LRP1B: variants seen among roughly 807,000 people sequenced by gnomAD.
The protein encoded by LRP1B is LDL receptor related protein 1B.
LRP1B carries 217 observed loss-of-function variants against 556.6 expected under a neutral mutation model. That is an observed-to-expected ratio of 0.39 (90% CI 0.35 to 0.44). LRP1B has a LOEUF of 0.44. Ranked by LOEUF, LRP1B falls within the 20% of genes least tolerant of loss-of-function variation. The pLI, the probability that LRP1B is intolerant of heterozygous loss-of-function variation, is 1.00. For missense variants in LRP1B, 5,053 were observed against 5,620.8 expected (o/e 0.90, Z 3.23); for synonymous variants, 2,047 against 1,865.8 (o/e 1.10, Z -2.50).
intron 2 of LRP1B, among the ~76,000 whole-genome samples, chr2:141,800,370 G>T (rs1392026807): frequency 6.6e-6 from 1 of 152,140 alleles, no homozygotes; most frequent in African/African-American, 2.4e-5. Context: ...ATTTCCTTTT[G>T]CTTTATTTCT....
intron 7 of LRP1B, among the ~76,000 whole-genome samples, chr2:141,102,839 A>C (rs1700500922): frequency 6.6e-6 from 1 of 152,108 alleles, no homozygotes; most frequent in South Asian, 2.1e-4. Flanking sequence ...GATTACATTG[A>C]AAATATGATA....
intron 11 of LRP1B, among the ~76,000 whole-genome samples, chr2:141,040,096 C>A (rs945837673): frequency 1.3e-5 from 2 of 152,010 alleles, no homozygotes; most frequent in Non-Finnish European, 2.9e-5. Flanking sequence ...ATCTCCTTTA[C>A]AATTTTATTT....
chr2:141,690,406 T>A (rs937301338), intron 2 of LRP1B, among the ~76,000 whole-genome samples: 9,238 of 61,894 alleles, frequency 0.15, 735 homozygotes, highest in Middle Eastern at 0.22. Context: ...AATATATATA[T>A]ATATATATAT....
At chr2:140,719,738 C>G (rs746956194) in intron 35 of LRP1B, among the ~76,000 whole-genome samples, 1 of 152,004 alleles carries the variant, frequency 6.6e-6, no homozygotes, top group East Asian at 1.9e-4. Context: ...CATATTTTCT[C>G]GTATCCTTTC....
At position 142,096,933 on chromosome 2, in the gene LRP1B, T is replaced by G. The variant is rs1338699920; in HGVS notation, c.82+33715A>C. ...TTGACATCTTCATGACCATGAGTAC[T>G]TAATGTTTAGTTCCAAAATCTGATG... On this transcript the variant is annotated intron_variant, in intron 1 of 90. Transcript: ENST00000389484. Among the ~76,000 whole-genome samples the G allele has an allele frequency of 3.3e-5, 5 of 151,586 alleles. No individual in the cohort carries two copies. The East Asian group carries it at 9.7e-4, about 29-fold the overall frequency.
At chr2:142,015,991 CAAAA>C (rs70994471) in intron 1 of LRP1B, among the ~76,000 whole-genome samples, 167 of 38,794 alleles carry the variant, frequency 4.3e-3, no homozygotes, top group African/African-American at 0.015. Flanking sequence ...GACTCCATCT[CAAAA>C]AAAAAAAAAA....
chr2:140,820,234 C>T (rs1209421269), intron 31 of LRP1B, among the ~76,000 whole-genome samples: 2 of 152,170 alleles, frequency 1.3e-5, no homozygotes, highest in African/African-American at 2.4e-5. Flanking sequence ...CCTGGCTCAG[C>T]CTCTCAAAGT....
intron 5 of LRP1B, among the ~76,000 whole-genome samples, chr2:141,232,569 C>T (rs1683512512): frequency 6.6e-6 from 1 of 152,180 alleles, no homozygotes; most frequent in Admixed American, 6.6e-5. Flanking sequence ...TCATGGTTAA[C>T]ACAGGCAATG....
At chr2:140,616,543 A>G (rs1683263569) in intron 41 of LRP1B, among the ~76,000 whole-genome samples, 1 of 151,294 alleles carries the variant, frequency 6.6e-6, no homozygotes, top group African/African-American at 2.4e-5. Context: ...TAAATGATAA[A>G]GTCATTCCAG....
chr2:140,758,490 G>T (rs532500700), intron 35 of LRP1B, among the ~76,000 whole-genome samples: 1 of 151,940 alleles, frequency 6.6e-6, no homozygotes, highest in East Asian at 1.9e-4. Flanking sequence ...ACAAATAAAA[G>T]TATTTAACCA....
At chr2:140,892,640 TAGA>T (rs1472808747) in intron 23 of LRP1B, among the ~76,000 whole-genome samples, 2 of 152,152 alleles carry the variant, frequency 1.3e-5, no homozygotes, top group African/African-American at 4.8e-5. Flanking sequence ...TCATTGTAAG[TAGA>T]AGTACATTCC....
At chr2:141,616,568 T>C (rs76919099) in intron 2 of LRP1B, among the ~76,000 whole-genome samples, 29 of 152,340 alleles carry the variant, frequency 1.9e-4, no homozygotes, top group Middle Eastern at 3.4e-3. Flanking sequence ...AGATATTTTA[T>C]AGATATGCAA....
At chr2:141,452,870 G>A (rs1233691471) in intron 3 of LRP1B, among the ~76,000 whole-genome samples, 8 of 152,144 alleles carry the variant, frequency 5.3e-5, no homozygotes, top group African/African-American at 1.9e-4. Context: ...TACCATGGCT[G>A]TACTTCCTGG....
chr2:140,411,470 T>G (rs1033701161), intron 66 of LRP1B, among the ~76,000 whole-genome samples: 1 of 152,090 alleles, frequency 6.6e-6, no homozygotes, highest in Non-Finnish European at 1.5e-5. Context: ...TTCTTGCTAT[T>G]TGCAGATAAT....
At chr2:140,599,098 A>T (rs1682554035) in intron 42 of LRP1B, among the ~76,000 whole-genome samples, 1 of 152,088 alleles carries the variant, frequency 6.6e-6, no homozygotes, top group Non-Finnish European at 1.5e-5. Context: ...ATTTGGTTAA[A>T]CTGTTAGATG....
intron 2 of LRP1B, among the ~76,000 whole-genome samples, chr2:141,666,676 C>T (rs532843747): frequency 2.8e-4 from 42 of 152,288 alleles, no homozygotes; most frequent in Non-Finnish European, 5.1e-4. Flanking sequence ...CAGATCCTTG[C>T]TGGAGATGTT....
chr2:141,529,599 A>G (rs1684803347), intron 2 of LRP1B, among the ~76,000 whole-genome samples: 1 of 152,178 alleles, frequency 6.6e-6, no homozygotes, highest in African/African-American at 2.4e-5. Flanking sequence ...CTTGGATTCA[A>G]GTATAGAATC....
At chr2:140,822,237 G>C (rs999306124) in intron 31 of LRP1B, among the ~76,000 whole-genome samples, 1 of 152,156 alleles carries the variant, frequency 6.6e-6, no homozygotes, top group South Asian at 2.1e-4. Context: ...ATATATCCAA[G>C]ACTGAGCAAT....
intron 2 of LRP1B, among the ~76,000 whole-genome samples, chr2:141,748,817 A>T (rs888701491): frequency 2.0e-5 from 3 of 152,148 alleles, no homozygotes; most frequent in Non-Finnish European, 4.4e-5. Flanking sequence ...CAAAGCTTTT[A>T]AAAGCTCTGA....
Sources: allele counts gnomAD v4.1 joint callset (sites outside exome capture counted in the v4.1 genomes callset), GRCh38; gene constraint gnomAD v4.1.1; transcripts MANE v1.5; gene names NCBI Gene and HGNC (gene_info 2026-07-23, HGNC 2026-07-21).